Variants in SLC2A7 observed in about 807,000 individuals in gnomAD.
SLC2A7 encodes solute carrier family 2, facilitated glucose transporter member 7.
SLC2A7 carries 50 observed loss-of-function variants against 50.5 expected under a neutral mutation model. That is an observed-to-expected ratio of 0.99 (90% CI 0.79 to 1.25). SLC2A7 has a LOEUF of 1.25. Among genes scored for constraint, SLC2A7 ranks in the 50% most tolerant of loss-of-function variants. SLC2A7 has a pLI of 0.00. For missense variants in SLC2A7, 683 were observed against 679.1 expected (o/e 1.01, Z -0.06); for synonymous variants, 308 against 300.4 (o/e 1.03, Z -0.26).
intron 8 of SLC2A7, among the ~76,000 whole-genome samples, chr1:9,011,743 CTTCTTTTT>C (rs1407516171): frequency 6.3e-4 from 86 of 136,702 alleles, no homozygotes; most frequent in African/African-American, 2.3e-3. Flanking sequence ...TCTTCTTCTT[CTTCTTTTT>C]TTTTTTTTTT....
chr1:9,003,275 G>T lies in SLC2A7; in HGVS notation c.*25C>A, dbSNP rs764279615. 12 of 1,610,428 alleles carry T rather than the reference G, an allele frequency of 7.5e-6. No homozygotes were observed. The Middle Eastern group carries it at 6.7e-4, about 89-fold the overall frequency. ...GTCATAGAAGGAAGCCTTGAATATG[G>T]GCTCCCGTCCTTCATGCAGGGCCAC... On this transcript the variant is annotated 3_prime_UTR_variant, in exon 12 of 12. Transcript: ENST00000400906.
intron 11 of SLC2A7, 72 bp from the exon 12 acceptor site, chr1:9,003,590 G>C: frequency 2.2e-6 from 3 of 1,361,170 alleles, no homozygotes; most frequent in Non-Finnish European, 3.1e-6. Flanking sequence ...GAGCACGTTG[G>C]CTCATGCCTG....
the SLC2A7 span, among the ~76,000 whole-genome samples, chr1:8,996,871 G>A: frequency 6.6e-6 from 1 of 151,998 alleles, no homozygotes; most frequent in African/African-American, 2.4e-5. Context: ...TGCCTCCCGG[G>A]ATCAAGCAAT....
chr1:8,995,051 G>A, the SLC2A7 span, among the ~76,000 whole-genome samples: 3 of 149,968 alleles, frequency 2.0e-5, no homozygotes, highest in South Asian at 6.4e-4. Flanking sequence ...GATTACACGT[G>A]TGAGCCACCA....
chr1:9,018,177 C>T (rs757058700), intron 5 of SLC2A7, 46 bp downstream of exon 5: 18 of 1,610,216 alleles, frequency 1.1e-5, no homozygotes, highest in East Asian at 6.7e-5. Flanking sequence ...CTGGCACAGC[C>T]GAACGAGAGA....
At chr1:9,024,064 C>T (rs1640958880) in intron 2 of SLC2A7, among the ~76,000 whole-genome samples, 1 of 151,932 alleles carries the variant, frequency 6.6e-6, no homozygotes, top group African/African-American at 2.4e-5. Context: ...CCATGTTGGC[C>T]AGGCTGGTCT....
intron 6 of SLC2A7, 97 bp downstream of exon 6, chr1:9,015,020 C>A (rs1640807657): frequency 1.9e-6 from 3 of 1,556,744 alleles, no homozygotes; most frequent in African/African-American, 1.3e-5. Context: ...CCAGCTCTCA[C>A]CCCTGACCCA....
chr1:8,992,940 T>C, the SLC2A7 span, among the ~76,000 whole-genome samples: 1 of 152,058 alleles, frequency 6.6e-6, no homozygotes, highest in African/African-American at 2.4e-5. Context: ...GGGTAAAAGA[T>C]TAGGAAAGAA....
intron 5 of SLC2A7, among the ~76,000 whole-genome samples, chr1:9,017,834 C>T (rs1640852438): frequency 6.6e-6 from 1 of 152,192 alleles, no homozygotes; most frequent in African/African-American, 2.4e-5. Context: ...AACAGCCACC[C>T]AGTGACAGAG....
chr1:9,006,983 G>A (rs1206953570), intron 10 of SLC2A7, among the ~76,000 whole-genome samples: 2 of 152,202 alleles, frequency 1.3e-5, no homozygotes, highest in Non-Finnish European at 2.9e-5. Context: ...GGGTGTGGAT[G>A]TAAACCAAGG....
At chr1:9,010,340 G>A in intron 8 of SLC2A7, 96 bp from the exon 9 acceptor site, 3 of 908,028 alleles carry the variant, frequency 3.3e-6, no homozygotes, top group Non-Finnish European at 5.1e-6. Flanking sequence ...CCTCTTAGGT[G>A]CCCCTTTCTT....
At chr1:9,004,728 G>C in intron 11 of SLC2A7, 24 bp downstream of exon 11, 1 of 1,613,466 alleles carries the variant, frequency 6.2e-7, no homozygotes, top group Non-Finnish European at 8.5e-7. Context: ...GGTGGAGCGG[G>C]TTGGGGAAGG....
chr1:9,007,741 CT>C (rs34900242), intron 9 of SLC2A7, among the ~76,000 whole-genome samples: 53,778 of 139,976 alleles, frequency 0.38, 9,117 homozygotes, highest in Non-Finnish European at 0.43. Flanking sequence ...ACGATTCTTT[CT>C]TTTTTTTTTT....
At position 9,013,401 on chromosome 1, in the gene SLC2A7, A is replaced by T. The variant is rs1640778697; in HGVS notation, c.1014+124T>A. 4.3e-6 allele frequency: 3 copies of T among 696,402 alleles called. 1 individual carries two copies. The Admixed American group carries it at 8.7e-5, about 20-fold the overall frequency. The allele number at this position is 696,402 out of a possible 1,614,324, so 43.1% of individuals were successfully genotyped here. A position where few individuals can be genotyped will look rare whatever the true frequency, so the allele number is the denominator to read the frequency against. ...TTAGTATGTGTGCATCCTAAAGTCC[A>T]TGTCCCTTAAATGACCCCAGGACCA... On this transcript the variant is annotated intron_variant, in intron 8 of 11. Coordinates refer to ENST00000400906, the MANE Select transcript of SLC2A7 (RefSeq NM_207420.3).
intron 5 of SLC2A7, among the ~76,000 whole-genome samples, chr1:9,016,098 T>G (rs141944337): frequency 6.6e-6 from 1 of 152,292 alleles, no homozygotes; most frequent in East Asian, 1.9e-4. Flanking sequence ...CTAAGCGTCA[T>G]GCACGGTGGA....
chr1:9,015,350 AC>A, intron 5 of SLC2A7, 108 bp from the exon 6 acceptor site: 2 of 1,374,140 alleles, frequency 1.5e-6, no homozygotes, highest in Non-Finnish European at 1.9e-6. Context: ...GACTGTGGGG[AC>A]TTCATTCTCA....
At chr1:9,001,419 AT>A (rs767748961), downstream of SLC2A7, among the ~76,000 whole-genome samples, 660 of 124,270 alleles carry the variant, frequency 5.3e-3, no homozygotes, top group Middle Eastern at 0.013. Flanking sequence ...TGCAGGTGCT[AT>A]TTTTTTTTTT....
intron 2 of SLC2A7, 147 bp from the exon 3 acceptor site, chr1:9,023,225 A>C: frequency 1.5e-6 from 1 of 685,364 alleles, no homozygotes; most frequent in Non-Finnish European, 2.3e-6. Context: ...ATTCCCTACT[A>C]TTACCTGAGA....
Position 9,007,337 on chromosome 1 carries a change from A to G in SLC2A7, c.1165T>C (p.Tyr389His), listed in dbSNP as rs761734412. 2.5e-6 allele frequency: 4 copies of G among 1,614,112 alleles called. No individual in the cohort carries two copies. In the South Asian group the frequency reaches 4.4e-5, roughly 18 times the overall value. The stretch of plus-strand genomic sequence containing the variant: ...GGCCCAATGGAATGTCCCGCGATGT[A>G]GGCAAAGACACAGATGATGCCGAGG... ...SYLGIICVFA[Y>H]IAGHSIGPSP... The change falls in exon 10 of 12, where the codon TAC becomes CAC. Residue 389 changes from tyrosine (Y) to histidine (H), a missense_variant. By Grantham distance (83) the Tyr-to-His change is moderately conservative (BLOSUM62 2). Transcript: ENST00000400906.
Sources: allele counts gnomAD v4.1 joint callset (sites outside exome capture counted in the v4.1 genomes callset), GRCh38; gene constraint gnomAD v4.1.1; transcripts MANE v1.5; gene names NCBI Gene and HGNC (gene_info 2026-07-23, HGNC 2026-07-21).